COLEC10: variants seen among roughly 807,000 people sequenced by gnomAD.
COLEC10 encodes collectin-10.
COLEC10 carries 22 observed loss-of-function variants against 28.4 expected under a neutral mutation model. The observed-to-expected ratio is 0.78, with a 90% CI of 0.55 to 1.11. The LOEUF is 1.11. Ranked by LOEUF, COLEC10 falls within the 50% of genes least tolerant of loss-of-function variation. The probability of loss-of-function intolerance (pLI) is 0.00; values close to 1 mark genes in which losing one functional copy is unlikely to be tolerated. For missense variants in COLEC10, 361 were observed against 344.1 expected, an observed-to-expected ratio of 1.05 and a Z score of -0.39; for synonymous variants, 125 against 116.1, an observed-to-expected ratio of 1.08 and a Z score of -0.49.
At chr8:119,032,225 A>G (rs1814301170) in intron 2 of COLEC10, among the ~76,000 whole-genome samples, 1 of 152,210 alleles carries the variant, frequency 6.6e-6, no homozygotes. Flanking sequence ...TCTGTAAAAT[A>G]TAAGTTGAGG....
intron 1 of COLEC10, among the ~76,000 whole-genome samples, chr8:119,069,600 C>T (rs1181199636): frequency 4.1e-5 from 1 of 24,254 alleles, no homozygotes; most frequent in African/African-American, 1.1e-4. Flanking sequence ...AGTGAGACCC[C>T]ATCTCAAAAA....
At chr8:119,095,916 T>C (rs566074414) in intron 3 of COLEC10, among the ~76,000 whole-genome samples, 2 of 152,302 alleles carry the variant, frequency 1.3e-5, no homozygotes, top group South Asian at 4.2e-4. Flanking sequence ...ATAGTGTAAT[T>C]TCATGAAGAG....
At position 119,107,455 on chromosome 8, in the gene COLEC10, A is replaced by C. The variant is rs1192744091; in HGVS notation, c.*1264A>C. 6.6e-6 allele frequency among the ~76,000 whole-genome samples: 1 copy of C among 152,116 alleles called. No individual in the cohort carries two copies. Among genetic ancestry groups the C allele is most frequent in the Non-Finnish European group, 1.5e-5 (1 of 68,016 alleles). ...CTAGATTATCACCCTATAAACTTCTACTCCAGTTATGGTTTCTGACATATG... is the reference window on the plus strand; with the variant it reads ...CTAGATTATCACCCTATAAACTTCTCCTCCAGTTATGGTTTCTGACATATG... On this transcript the variant is annotated 3_prime_UTR_variant, in exon 6 of 6. Coordinates refer to ENST00000332843, the MANE Select transcript of COLEC10 (RefSeq NM_006438.5).
Position 119,069,479 on chromosome 8 carries a change from C to T in COLEC10, c.148+2050C>T, listed in dbSNP as rs568423954. Among the ~76,000 whole-genome samples the T allele has an allele frequency of 1.1e-4, 17 of 149,962 alleles. No individual in the cohort carries two copies. In the South Asian group the frequency reaches 3.4e-3, roughly 30 times the overall value. ...AAAATTAGCCAGGTGTGGTGGTGCA[C>T]ACCTGTAGTCCCAGTTACTTGGACG... is the stretch of plus-strand genomic sequence containing the variant. On this transcript the variant is annotated intron_variant, in intron 1 of 5. Transcript: ENST00000332843.
chr8:118,993,690 G>A (rs1311705227), upstream of COLEC10, among the ~76,000 whole-genome samples: 3 of 152,064 alleles, frequency 2.0e-5, no homozygotes, highest in African/African-American at 7.2e-5. Flanking sequence ...TGTCCTAATT[G>A]TCTCTTCCTA....
intron 2 of COLEC10, among the ~76,000 whole-genome samples, chr8:119,047,034 A>G (rs1365067058): frequency 2.0e-5 from 3 of 152,214 alleles, no homozygotes; most frequent in Non-Finnish European, 4.4e-5. Flanking sequence ...ATACCCTTGC[A>G]AAATCCCTAA....
intron 3 of COLEC10, 130 bp from the exon 4 acceptor site, chr8:119,102,210 TCCTCCCTC>T (rs200248035): frequency 0.22 from 32,272 of 145,330 alleles, 4,644 homozygotes; most frequent in African/African-American, 0.53. Flanking sequence ...ATTCACTCCT[TCCTCCCTC>T]CCTCCCTCCC....
At chr8:119,064,294 G>GT (rs1814911313), upstream of COLEC10, among the ~76,000 whole-genome samples, 1 of 152,038 alleles carries the variant, frequency 6.6e-6, no homozygotes, top group South Asian at 2.1e-4. Context: ...GCTTTATTGA[G>GT]TAAAAAAAGG....
chr8:118,962,713 A>C, the COLEC10 span, among the ~76,000 whole-genome samples: 3 of 152,310 alleles, frequency 2.0e-5, no homozygotes, highest in South Asian at 4.1e-4. Context: ...AAATTTCTAG[A>C]ATTTATTAAT....
At chr8:119,015,701 T>C (rs375536527) in intron 2 of COLEC10, among the ~76,000 whole-genome samples, 1 of 152,182 alleles carries the variant, frequency 6.6e-6, no homozygotes. Flanking sequence ...CTCAGTAAGT[T>C]GTAAGTTTCT....
At chr8:119,011,121 A>G (rs1226331259) in intron 2 of COLEC10, among the ~76,000 whole-genome samples, 1 of 150,996 alleles carries the variant, frequency 6.6e-6, no homozygotes, top group Non-Finnish European at 1.5e-5. Flanking sequence ...TCTACATTTT[A>G]CAATTAGGTC....
chr8:119,020,922 T>C (rs1814078721), intron 2 of COLEC10, among the ~76,000 whole-genome samples: 1 of 152,190 alleles, frequency 6.6e-6, no homozygotes, highest in Non-Finnish European at 1.5e-5. Context: ...TTTCATGCTG[T>C]ACAATATTCT....
chr8:119,027,971 T>C (rs1814223119), intron 2 of COLEC10, among the ~76,000 whole-genome samples: 1 of 152,210 alleles, frequency 6.6e-6, no homozygotes, highest in Non-Finnish European at 1.5e-5. Flanking sequence ...TTGCCTAATT[T>C]CACCCTTAAT....
chr8:119,008,883 G>A lies in COLEC10; in HGVS notation n.123-558G>A, dbSNP rs373724379. Among the ~76,000 whole-genome samples, 8 of 151,110 alleles carry A rather than the reference G, an allele frequency of 5.3e-5. 1 individual carries two copies. The highest frequency in any genetic ancestry group is 9.9e-5 in the African/African-American group (4 of 40,504). ...TAAGTGAAAATGTGTGAAGGAAAACGTTATCTAGCACAGTGCCTGGCACAT... is the reference window on the plus strand; with the variant it reads ...TAAGTGAAAATGTGTGAAGGAAAACATTATCTAGCACAGTGCCTGGCACAT... On this transcript the variant is annotated intron_variant and non_coding_transcript_variant, in intron 1 of 6. Coordinates refer to the COLEC10 transcript ENST00000521788.
intron 1 of COLEC10, among the ~76,000 whole-genome samples, chr8:119,083,926 C>G (rs1815416292): frequency 6.6e-6 from 1 of 152,124 alleles, no homozygotes; most frequent in Non-Finnish European, 1.5e-5. Flanking sequence ...TTGTACTGAG[C>G]TTTCAGAGCA....
At chr8:118,999,749 A>G (rs541992037) in intron 1 of COLEC10, among the ~76,000 whole-genome samples, 1 of 152,334 alleles carries the variant, frequency 6.6e-6, no homozygotes, top group East Asian at 1.9e-4. Flanking sequence ...AATTTTGTGC[A>G]AGGTAGGACA....
In COLEC10 at chr8:119,053,467, C is replaced by G. The variant is rs148814729; in HGVS notation, n.236-36213C>G. On this transcript the variant is annotated intron_variant and non_coding_transcript_variant, in intron 2 of 6. Transcript: ENST00000521788. ...GAAGGTGTCTGGCACCTGGCTTCCA[C>G]ATTTCCTAACATACACAGTGTGAAG... Among the ~76,000 whole-genome samples the G allele has an allele frequency of 1.1e-4, 16 of 152,102 alleles. 1 individual carries two copies. The highest frequency in any genetic ancestry group is 3.9e-4 in the African/African-American group (16 of 41,526).
At chr8:118,972,236 C>A in the COLEC10 span, among the ~76,000 whole-genome samples, 1 of 151,872 alleles carries the variant, frequency 6.6e-6, no homozygotes, top group Non-Finnish European at 1.5e-5. Flanking sequence ...TCATTTCCAC[C>A]AGCCCAGGTC....
intron 1 of COLEC10, among the ~76,000 whole-genome samples, chr8:119,083,036 AC>A (rs1815398279): frequency 6.6e-6 from 1 of 152,164 alleles, no homozygotes; most frequent in African/African-American, 2.4e-5. Context: ...TAGTGTTTGT[AC>A]TAGTAAAGAA....
Sources: gnomAD v4.1 joint callset for allele counts (sites outside exome capture counted in the v4.1 genomes callset) on GRCh38, gnomAD v4.1.1 for gene constraint, MANE v1.5 for transcripts, NCBI Gene and HGNC (gene_info 2026-07-23, HGNC 2026-07-21) for gene names.